Variants in FKBP6 observed in about 807,000 individuals in gnomAD.
The protein encoded by FKBP6 is inactive peptidyl-prolyl cis-trans isomerase FKBP6.
A neutral mutation model predicts 41.7 loss-of-function variants in FKBP6; 29 were observed. The ratio of observed to expected loss-of-function variants is 0.70; its 90% confidence interval spans 0.52 to 0.95. The LOEUF is 0.95. FKBP6 is among the 40% of genes least tolerant of loss of function. The probability of loss-of-function intolerance (pLI) is 0.00; values close to 1 mark genes in which losing one functional copy is unlikely to be tolerated. For synonymous variants in FKBP6, 130 were observed against 165.1 expected (o/e 0.79, Z 1.63); for missense variants, 338 against 408.7 (o/e 0.83, Z 1.49).
chr7:73,333,273 A>G (rs1804903377), intron 5 of FKBP6, among the ~76,000 whole-genome samples: 1 of 144,576 alleles, frequency 6.9e-6, no homozygotes, highest in Non-Finnish European at 1.5e-5. Context: ...TCTGTCTCCA[A>G]AAAAAAAAAA....
At chr7:73,341,717 G>A (rs1354876297) in intron 7 of FKBP6, among the ~76,000 whole-genome samples, 5 of 150,764 alleles carry the variant, frequency 3.3e-5, no homozygotes, top group African/African-American at 1.2e-4. Flanking sequence ...AGGCTATAGG[G>A]CAATGGCATG....
chr7:73,344,090 G>T (rs1014568188), intron 8 of FKBP6, among the ~76,000 whole-genome samples: 2 of 152,178 alleles, frequency 1.3e-5, no homozygotes, highest in African/African-American at 4.8e-5. Context: ...GTACATATTT[G>T]CAGGTCTTCA....
At chr7:73,347,311 A>G (rs1189172878) in intron 8 of FKBP6, among the ~76,000 whole-genome samples, 1 of 152,104 alleles carries the variant, frequency 6.6e-6, no homozygotes, top group African/African-American at 2.4e-5. Context: ...TATGATCCCC[A>G]TTTTACAGTT....
At chr7:73,345,497 C>T (rs1805309632) in intron 8 of FKBP6, among the ~76,000 whole-genome samples, 1 of 152,164 alleles carries the variant, frequency 6.6e-6, no homozygotes, top group Non-Finnish European at 1.5e-5. Context: ...AGATCCTGGG[C>T]AGGACTCCGG....
In FKBP6 at chr7:73,330,342, C is replaced by T; in HGVS notation, c.458C>T (p.Ala153Val). Residue 153 changes from alanine (A) to valine (V), a missense_variant, in exon 4 of 9, where the codon GCT becomes GTT. Ala to Val is a moderately conservative substitution (Grantham distance 64). This residue lies in a region of FKBP6 where 239 missense variants were observed against 250.1 expected (regional missense o/e 0.96). Transcript: ENST00000252037. The part of the protein sequence containing the change: ...LDCAESDKFC[A>V]LSAEQQDQFP... Reference sequence around the variant, plus strand: ...TGTGCTGAGTCAGACAAGTTTTGTGCTCTCTCAGCTGTAAGTTCCAGAGCA... The same window carrying T: ...TGTGCTGAGTCAGACAAGTTTTGTGTTCTCTCAGCTGTAAGTTCCAGAGCA... 6.2e-7 allele frequency: 1 copy of T among 1,612,394 alleles called. No individual in the cohort carries two copies.
intron 8 of FKBP6, 142 bp downstream of exon 8, chr7:73,343,041 C>T (rs572367330): frequency 3.1e-5 from 22 of 718,946 alleles, no homozygotes; most frequent in South Asian, 2.5e-4. Flanking sequence ...AACAACACAA[C>T]GGTAGTGCAG....
rs1487753641 is a variant in FKBP6, at chr7:73,347,933, A to G, written c.*2+5034A>G. On this transcript the variant is annotated intron_variant, in intron 8 of 8. Coordinates refer to ENST00000252037, the MANE Select transcript of FKBP6 (RefSeq NM_003602.5). ...GTGCTGAAATTATGAGCGTGAGCACAGCACCCAGCCATATCTGTTTATTCT... is the reference window on the plus strand; with the variant it reads ...GTGCTGAAATTATGAGCGTGAGCACGGCACCCAGCCATATCTGTTTATTCT... Among the ~76,000 whole-genome samples the G allele has an allele frequency of 2.6e-5, 4 of 152,206 alleles. No individual in the cohort carries two copies. In the South Asian group the frequency reaches 8.3e-4, roughly 31 times the overall value.
chr7:73,352,034 C>T (rs1409655831), intron 8 of FKBP6, among the ~76,000 whole-genome samples: 8 of 152,184 alleles, frequency 5.3e-5, no homozygotes, highest in African/African-American at 1.9e-4. Flanking sequence ...TGCAGTGGTG[C>T]AGTTATAGCT....
rs782200778 is a variant in FKBP6, at chr7:73,329,422, ACTC to A, written c.242_244del (p.Pro81del). On this transcript the variant is annotated inframe_deletion, in exon 3 of 9. Coordinates refer to ENST00000252037, the MANE Select transcript of FKBP6 (RefSeq NM_003602.5). ...CTTCGATTCTAATTACTTTAGGAAAACTCCTCGGCTAATGAAACTTGGAGAGGG... is the reference window on the plus strand; with the variant it reads ...CTTCGATTCTAATTACTTTAGGAAAACTCGGCTAATGAAACTTGGAGAGGG... 3 of 1,607,116 alleles carry A rather than the reference ACTC, an allele frequency of 1.9e-6. No individual in the cohort carries two copies. Among genetic ancestry groups the A allele is most frequent in the African/African-American group, 2.7e-5 (2 of 74,844 alleles).
intron 5 of FKBP6, among the ~76,000 whole-genome samples, chr7:73,332,116 G>T (rs1284017199): frequency 6.6e-6 from 1 of 151,874 alleles, no homozygotes; most frequent in Non-Finnish European, 1.5e-5. Flanking sequence ...TGCCCACCTC[G>T]GCCTCCCAAA....
chr7:73,356,312 T>G (rs782042337), intron 8 of FKBP6, among the ~76,000 whole-genome samples: 4 of 152,096 alleles, frequency 2.6e-5, no homozygotes, highest in Non-Finnish European at 5.9e-5. Context: ...CACAGAAACA[T>G]GGTCATGGAG....
chr7:73,357,849 G>A (rs112516373), intron 8 of FKBP6, among the ~76,000 whole-genome samples: 4,058 of 151,958 alleles, frequency 0.027, 64 homozygotes, highest in South Asian at 0.042. Context: ...GTATCCAGGC[G>A]TGGTGGTGCG....
At chr7:73,335,746 C>T (rs1457019106) in intron 5 of FKBP6, among the ~76,000 whole-genome samples, 2 of 152,128 alleles carry the variant, frequency 1.3e-5, no homozygotes, top group African/African-American at 4.8e-5. Context: ...TACATTGGCA[C>T]CACTCTGCCA....
At position 73,330,276 on chromosome 7, in the gene FKBP6, C is replaced by T; in HGVS notation, c.392C>T (p.Thr131Ile). The T allele has an allele frequency of 1.2e-6, 2 of 1,614,138 alleles. No homozygotes were observed. Among genetic ancestry groups the T allele is most frequent in the South Asian group, 2.2e-5 (2 of 91,086 alleles). Residue 131 changes from threonine to isoleucine, a missense_variant, in exon 4 of 9, where the codon ACC becomes ATC. This residue lies in a region of FKBP6 where 239 missense variants were observed against 250.1 expected (regional missense o/e 0.96). Transcript: ENST00000252037. ...TGCCCTCCCTTGATCCCCCCAAACA[C>T]CACTGTCCTGTTTGAGATTGAGCTG... is the stretch of plus-strand genomic sequence containing the variant. ...LGCPPLIPPN[T>I]TVLFEIELLD...
intron 5 of FKBP6, among the ~76,000 whole-genome samples, chr7:73,334,709 A>G (rs949426180): frequency 6.6e-6 from 1 of 152,206 alleles, no homozygotes; most frequent in Non-Finnish European, 1.5e-5. Context: ...TATTTTATAT[A>G]TTTAGACTGT....
chr7:73,339,455 T>C (rs1282495567), intron 5 of FKBP6, among the ~76,000 whole-genome samples: 2 of 152,228 alleles, frequency 1.3e-5, no homozygotes, highest in Admixed American at 6.5e-5. Context: ...ATGCCGGTGC[T>C]ACACTGGCGT....
chr7:73,346,426 G>A (rs1276628458), intron 8 of FKBP6, among the ~76,000 whole-genome samples: 2 of 152,206 alleles, frequency 1.3e-5, no homozygotes, highest in Non-Finnish European at 2.9e-5. Flanking sequence ...GTTCAAGAGT[G>A]GGCTGTGAGG....
At chr7:73,353,628 A>C (rs1196025817) in intron 8 of FKBP6, among the ~76,000 whole-genome samples, 2 of 152,208 alleles carry the variant, frequency 1.3e-5, no homozygotes, top group African/African-American at 4.8e-5. Flanking sequence ...TAGGTTTGCT[A>C]CAACCCCACA....
chr7:73,328,197 C>G lies in FKBP6; in HGVS notation c.-232C>G. 1 of 1,547,980 alleles carries G rather than the reference C, an allele frequency of 6.5e-7. No individual in the cohort carries two copies. The highest frequency in any genetic ancestry group is 8.7e-7 in the Non-Finnish European group (1 of 1,145,800). ...TGCGCTCCCATTACGGATCATACCTCGCACCTCACCGCGTGGCCTCTGTAG... is the reference window on the plus strand; with the variant it reads ...TGCGCTCCCATTACGGATCATACCTGGCACCTCACCGCGTGGCCTCTGTAG... On this transcript the variant is annotated 5_prime_UTR_variant, in exon 1 of 9. Transcript: ENST00000252037.
Sources: gnomAD v4.1 joint callset for allele counts (sites outside exome capture counted in the v4.1 genomes callset) on GRCh38, gnomAD v4.1.1 for gene constraint, gnomAD v4.1.1 regional missense constraint, MANE v1.5 for transcripts, NCBI Gene and HGNC (gene_info 2026-07-23, HGNC 2026-07-21) for gene names.